Variants in BICD1 observed in about 807,000 individuals in gnomAD.
BICD1 encodes BICD cargo adaptor 1, also known as protein bicaudal D homolog 1.
In BICD1, 35 loss-of-function variants were observed where a neutral mutation model predicts 92.5. The ratio of observed to expected loss-of-function variants is 0.38; its 90% CI spans 0.29 to 0.50. The LOEUF is 0.50. BICD1 is among the 20% of genes least tolerant of loss of function. The pLI, the probability that BICD1 is intolerant of heterozygous loss-of-function variation, is 0.93. For missense variants in BICD1, 950 were observed against 1,189.8 expected (o/e 0.80, Z 2.97); for synonymous variants, 429 against 465.1 (o/e 0.92, Z 1.00).
At chr12:32,147,068 G>A (rs1359557728) in intron 1 of BICD1, among the ~76,000 whole-genome samples, 1 of 151,878 alleles carries the variant, frequency 6.6e-6, no homozygotes, top group African/African-American at 2.4e-5. Flanking sequence ...AGCCTCCCGA[G>A]GAGCTAAGAC....
At chr12:32,172,982 C>T (rs566587086) in intron 1 of BICD1, among the ~76,000 whole-genome samples, 1 of 152,302 alleles carries the variant, frequency 6.6e-6, no homozygotes, top group African/African-American at 2.4e-5. Context: ...TGCCTGAGTT[C>T]ACCAGCCCGC....
intron 1 of BICD1, among the ~76,000 whole-genome samples, chr12:32,204,838 T>C (rs754191723): frequency 8.5e-5 from 13 of 152,230 alleles, no homozygotes; most frequent in Non-Finnish European, 1.6e-4. Context: ...TGGCATCTGT[T>C]GAACGCAGTG....
chr12:32,182,274 C>CTTTCTTT (rs1944293620), intron 1 of BICD1, among the ~76,000 whole-genome samples: 5 of 85,038 alleles, frequency 5.9e-5, no homozygotes, highest in African/African-American at 1.1e-4. Context: ...TTCTTTCTTT[C>CTTTCTTT]TTTCTTTTTT....
At chr12:32,359,808 AAAGAT>A (rs1939252493) in intron 8 of BICD1, among the ~76,000 whole-genome samples, 1 of 152,224 alleles carries the variant, frequency 6.6e-6, no homozygotes, top group African/African-American at 2.4e-5. Flanking sequence ...GCAAGTTAGC[AAAGAT>A]AATAACTAAG....
chr12:32,300,631 ATTTTTT>A (rs34219566), intron 3 of BICD1, among the ~76,000 whole-genome samples: 2 of 80,566 alleles, frequency 2.5e-5, no homozygotes, highest in Non-Finnish European at 5.1e-5. Flanking sequence ...ACTTTACAGT[ATTTTTT>A]TTTTTTTTTT....
Position 32,107,141 on chromosome 12 carries a change from T to C in BICD1, c.-191T>C. On this transcript the variant is annotated 5_prime_UTR_variant, in exon 1 of 10. Coordinates refer to ENST00000652176, the MANE Select transcript of BICD1 (RefSeq NM_001714.4). Reference sequence around the variant, plus strand: ...TGCCCTGTTCTCCATGTTGCATTTCTCGTCAGTTTCTCGGGCGGTGTAGCT... The same window carrying C: ...TGCCCTGTTCTCCATGTTGCATTTCCCGTCAGTTTCTCGGGCGGTGTAGCT... The C allele has an allele frequency of 1.6e-6, 1 of 615,356 alleles. No individual in the cohort carries two copies. The highest frequency in any genetic ancestry group is 2.8e-6 in the Non-Finnish European group (1 of 351,004). 38.1% of individuals were successfully genotyped at this position (615,356 alleles called of 1,614,324 possible).
intron 1 of BICD1, among the ~76,000 whole-genome samples, chr12:32,117,559 CTG>C (rs1941960212): frequency 6.6e-6 from 1 of 151,744 alleles, no homozygotes; most frequent in Non-Finnish European, 1.5e-5. Context: ...TTCAGTGAAA[CTG>C]TACATTTTGA....
chr12:32,266,750 C>T (rs1310715257), intron 2 of BICD1, among the ~76,000 whole-genome samples: 3 of 151,236 alleles, frequency 2.0e-5, no homozygotes, highest in African/African-American at 4.9e-5. Flanking sequence ...CCCAGCTACT[C>T]GGGAGGCTGA....
intron 1 of BICD1, among the ~76,000 whole-genome samples, chr12:32,182,070 A>T (rs1291776141): frequency 2.6e-5 from 4 of 151,902 alleles, no homozygotes. Flanking sequence ...GATCTACCTG[A>T]ATTTATTCCA....
At chr12:32,266,189 A>G (rs1178422982) in intron 2 of BICD1, among the ~76,000 whole-genome samples, 2 of 152,218 alleles carry the variant, frequency 1.3e-5, no homozygotes, top group African/African-American at 4.8e-5. Context: ...CTATTTTAAT[A>G]GAAACCTGCA....
intron 4 of BICD1, among the ~76,000 whole-genome samples, chr12:32,312,798 A>G (rs1007205306): frequency 2.0e-5 from 3 of 152,234 alleles, no homozygotes; most frequent in African/African-American, 7.2e-5. Context: ...TTGATAGTGA[A>G]TAGTTCAATG....
intron 1 of BICD1, among the ~76,000 whole-genome samples, chr12:32,117,644 A>T (rs900686267): frequency 1.3e-5 from 2 of 149,620 alleles, no homozygotes; most frequent in Admixed American, 1.3e-4. Flanking sequence ...GCACATGTGC[A>T]TGTGCATGAC....
chr12:32,179,583 C>T (rs1435492199), intron 1 of BICD1, among the ~76,000 whole-genome samples: 1 of 151,700 alleles, frequency 6.6e-6, no homozygotes, highest in Admixed American at 6.6e-5. Context: ...TTCTTGATTC[C>T]CAGTGTGCTA....
At chr12:32,130,290 G>A (rs952213742) in intron 1 of BICD1, among the ~76,000 whole-genome samples, 1 of 151,356 alleles carries the variant, frequency 6.6e-6, no homozygotes, top group African/African-American at 2.4e-5. Flanking sequence ...TGCAAGCTCC[G>A]CCTCTCGGGT....
At chr12:32,127,568 C>A (rs1449447999) in intron 1 of BICD1, among the ~76,000 whole-genome samples, 1 of 152,192 alleles carries the variant, frequency 6.6e-6, no homozygotes, top group Non-Finnish European at 1.5e-5. Flanking sequence ...CTTACTCTTA[C>A]CATTTTAATA....
intron 2 of BICD1, among the ~76,000 whole-genome samples, chr12:32,270,028 A>G (rs1207773248): frequency 2.0e-5 from 3 of 151,736 alleles, no homozygotes; most frequent in Non-Finnish European, 4.4e-5. Context: ...AGGCCGAGGC[A>G]GGAGAATTGC....
At chr12:32,367,965 A>C (rs565449082) in intron 9 of BICD1, 18 of 516,248 alleles carry the variant, frequency 3.5e-5, no homozygotes, top group Admixed American at 9.5e-5. Flanking sequence ...CAGCTGGTAG[A>C]CTCTACAGGC....
At chr12:32,261,832 C>A (rs1946866768) in intron 2 of BICD1, among the ~76,000 whole-genome samples, 1 of 152,096 alleles carries the variant, frequency 6.6e-6, no homozygotes, top group African/African-American at 2.4e-5. Context: ...CAGCAGAGAC[C>A]CAAAAGTGGA....
chr12:32,334,374 G>A (rs1359784089), intron 5 of BICD1, 142 bp from the exon 6 acceptor site: 7 of 827,724 alleles, frequency 8.5e-6, no homozygotes, highest in East Asian at 6.1e-5. Flanking sequence ...TGTCCAAAGC[G>A]CATACCTATG....
Sources: gnomAD v4.1 joint callset for allele counts (sites outside exome capture counted in the v4.1 genomes callset) on GRCh38, gnomAD v4.1.1 for gene constraint, MANE v1.5 for transcripts, NCBI Gene and HGNC (gene_info 2026-07-23, HGNC 2026-07-21) for gene names.